BTBD9: variants seen among roughly 807,000 people sequenced by gnomAD.
BTBD9 encodes the protein BTB/POZ domain-containing protein 9.
In BTBD9, 49 loss-of-function variants were observed where a neutral mutation model predicts 64.3. The ratio of observed to expected loss-of-function variants is 0.76; its 90% CI spans 0.61 to 0.97. The LOEUF is 0.97. Among genes scored for constraint, BTBD9 ranks in the 50% least tolerant of loss-of-function variants. The pLI, the probability that BTBD9 is intolerant of heterozygous loss-of-function variation, is 0.00. For synonymous variants in BTBD9, 260 were observed against 274.7 expected, an observed-to-expected ratio of 0.95 and a Z score of 0.53; for missense variants, 598 against 762.1, an observed-to-expected ratio of 0.78 and a Z score of 2.53.
intron 4 of BTBD9, chr6:38,587,993 C>T (rs538914305): frequency 2.4e-5 from 18 of 742,264 alleles, no homozygotes; most frequent in Non-Finnish European, 3.8e-5. Context: ...AGCTCACCCA[C>T]CAGGAGTTCA....
At chr6:38,199,894 G>A (rs920266665) in intron 9 of BTBD9, among the ~76,000 whole-genome samples, 1 of 152,244 alleles carries the variant, frequency 6.6e-6, no homozygotes, top group South Asian at 2.1e-4. Context: ...AGCCTGGGCT[G>A]CTGCCCCTAA....
At chr6:38,568,354 A>C (rs965555874) in intron 6 of BTBD9, among the ~76,000 whole-genome samples, 1 of 152,198 alleles carries the variant, frequency 6.6e-6, no homozygotes, top group African/African-American at 2.4e-5. Context: ...TCCAAAAAGC[A>C]ATCAATGAAG....
At chr6:38,302,485 G>GTATGTGTGTGTGTATATA (rs1384155514) in intron 7 of BTBD9, among the ~76,000 whole-genome samples, 5 of 106,908 alleles carry the variant, frequency 4.7e-5, no homozygotes, top group African/African-American at 1.8e-4. Flanking sequence ...TTGTGTGTAT[G>GTATGTGTGTGTGTATATA]TATATATATA....
intron 6 of BTBD9, among the ~76,000 whole-genome samples, chr6:38,539,592 T>C (rs1774174440): frequency 6.6e-6 from 1 of 152,222 alleles, no homozygotes. Context: ...CACTACTAGT[T>C]GGCTTTGAAT....
At chr6:38,520,457 T>C (rs1206754352) in intron 6 of BTBD9, among the ~76,000 whole-genome samples, 1 of 152,054 alleles carries the variant, frequency 6.6e-6, no homozygotes, top group East Asian at 1.9e-4. Flanking sequence ...CAAGACTCCA[T>C]CTCAAAACAA....
intron 6 of BTBD9, among the ~76,000 whole-genome samples, chr6:38,437,592 CAT>C (rs1232778936): frequency 6.6e-6 from 1 of 152,194 alleles, no homozygotes; most frequent in Non-Finnish European, 1.5e-5. Context: ...GCCCTTTCCA[CAT>C]GTTTTCTGAT....
chr6:38,175,010 C>G lies in BTBD9; in HGVS notation c.1814G>C (p.Arg605Pro), dbSNP rs555280410. ...SLPSSPGSNS[R>P]SPNRQHQ Reference sequence around the variant, plus strand: ...TTATTGGTGCTGCCGGTTGGGGGAGCGTGAGTTGGAGCCTGGGCTGGAGGG... The same window carrying G: ...TTATTGGTGCTGCCGGTTGGGGGAGGGTGAGTTGGAGCCTGGGCTGGAGGG... The change falls in exon 11 of 11, where the codon CGC (arginine) becomes CCC (proline). Residue 605 changes from arginine to proline, a missense_variant. By Grantham distance (103) the Arg-to-Pro change is moderately radical (BLOSUM62 -2). Transcript: ENST00000481247. The G allele has an allele frequency of 6.2e-7, 1 of 1,613,950 alleles. No homozygotes were observed. Among genetic ancestry groups the G allele is most frequent in the South Asian group, 1.1e-5 (1 of 91,080 alleles).
chr6:38,280,262 A>C (rs1018879931), intron 8 of BTBD9, among the ~76,000 whole-genome samples: 4 of 152,178 alleles, frequency 2.6e-5, no homozygotes, highest in Non-Finnish European at 5.9e-5. Context: ...TGGGAACCAT[A>C]GATAAAATTA....
At chr6:38,407,450 T>G (rs1767218290) in intron 6 of BTBD9, among the ~76,000 whole-genome samples, 1 of 152,118 alleles carries the variant, frequency 6.6e-6, no homozygotes, top group Non-Finnish European at 1.5e-5. Context: ...AGTATGCCTG[T>G]GTACCAGCCT....
intron 6 of BTBD9, among the ~76,000 whole-genome samples, chr6:38,547,046 A>T (rs1774585586): frequency 6.6e-6 from 1 of 152,180 alleles, no homozygotes. Context: ...TCCATATAAA[A>T]TGGTGAACTT....
chr6:38,370,349 C>G (rs1320281895), intron 6 of BTBD9, among the ~76,000 whole-genome samples: 1 of 152,186 alleles, frequency 6.6e-6, no homozygotes, highest in Non-Finnish European at 1.5e-5. Flanking sequence ...CTCCAAAAAA[C>G]ATAAAACAGA....
intron 6 of BTBD9, among the ~76,000 whole-genome samples, chr6:38,468,492 A>C (rs1046315136): frequency 6.6e-6 from 1 of 152,220 alleles, no homozygotes; most frequent in East Asian, 1.9e-4. Flanking sequence ...GCCTAGTATA[A>C]ATATCGTAAG....
chr6:38,214,010 AAATAAT>A (rs3047750), intron 9 of BTBD9, among the ~76,000 whole-genome samples: 1 of 147,600 alleles, frequency 6.8e-6, no homozygotes, highest in Non-Finnish European at 1.5e-5. Flanking sequence ...AAACAAACAA[AAATAAT>A]AATAATAATA....
intron 10 of BTBD9, among the ~76,000 whole-genome samples, chr6:38,190,653 C>T (rs1221811035): frequency 2.0e-5 from 3 of 152,136 alleles, no homozygotes; most frequent in African/African-American, 7.2e-5. Flanking sequence ...GTCCAATCTC[C>T]ACCAAAGTGG....
intron 6 of BTBD9, among the ~76,000 whole-genome samples, chr6:38,471,109 C>T (rs971693148): frequency 6.6e-6 from 1 of 152,024 alleles, no homozygotes; most frequent in Admixed American, 6.5e-5. Context: ...AGGGGCAGAA[C>T]CAATGGCCTT....
intron 9 of BTBD9, among the ~76,000 whole-genome samples, chr6:38,213,196 C>G (rs762678095): frequency 5.3e-5 from 8 of 152,144 alleles, no homozygotes; most frequent in Non-Finnish European, 1.2e-4. Context: ...AAAAGTTACA[C>G]TAAACCCCTG....
intron 8 of BTBD9, among the ~76,000 whole-genome samples, chr6:38,274,994 CTACTT>C (rs1182262959): frequency 6.6e-6 from 1 of 152,188 alleles, no homozygotes; most frequent in African/African-American, 2.4e-5. Flanking sequence ...TTGGAAAAAA[CTACTT>C]TAAAGTTCAT....
intron 6 of BTBD9, among the ~76,000 whole-genome samples, chr6:38,573,051 A>G (rs1160872149): frequency 6.6e-6 from 1 of 152,128 alleles, no homozygotes; most frequent in Non-Finnish European, 1.5e-5. Context: ...AAAGAAAACT[A>G]TCTCAGAAGA....
intron 2 of BTBD9, chr6:38,595,911 T>A (rs558185582): frequency 1.0e-6 from 1 of 985,448 alleles, no homozygotes; most frequent in African/African-American, 1.7e-5. Context: ...CCCAATCCTG[T>A]ATGATCCATG....
Sources: gnomAD v4.1 joint callset for allele counts (sites outside exome capture counted in the v4.1 genomes callset) on GRCh38, gnomAD v4.1.1 for gene constraint, MANE v1.5 for transcripts, NCBI Gene and HGNC (gene_info 2026-07-23, HGNC 2026-07-21) for gene names.